The following SLC35F4 variants were observed in gnomAD, a reference collection of about 807,000 sequenced individuals.
SLC35F4 encodes the protein chromosome 14 open reading frame 36.
Under a neutral mutation model 44.2 loss-of-function variants are expected in SLC35F4, and 24 were observed. The ratio of observed to expected loss-of-function variants is 0.54; its 90% CI spans 0.39 to 0.76. The LOEUF is 0.76. Ranked by LOEUF, SLC35F4 falls within the 30% of genes least tolerant of loss-of-function variation. The pLI, the probability that SLC35F4 is intolerant of heterozygous loss-of-function variation, is 0.00. For synonymous variants in SLC35F4, 238 were observed against 223.6 expected (o/e 1.06, Z -0.57); for missense variants, 562 against 586.1 (o/e 0.96, Z 0.42).
At chr14:57,608,801 G>T (rs1376838496) in intron 1 of SLC35F4, among the ~76,000 whole-genome samples, 6 of 83,044 alleles carry the variant, frequency 7.2e-5, no homozygotes, top group African/African-American at 3.1e-4. Flanking sequence ...GGGGGGCGGC[G>T]GGGGGAGAGA....
chr14:57,574,475 T>G (rs756022784), intron 4 of SLC35F4, among the ~76,000 whole-genome samples: 1 of 152,156 alleles, frequency 6.6e-6, no homozygotes, highest in African/African-American at 2.4e-5. Context: ...ATCTGAATAT[T>G]TGAAATGTTA....
At chr14:57,747,029 A>G (rs2076773006) in intron 1 of SLC35F4, among the ~76,000 whole-genome samples, 2 of 152,174 alleles carry the variant, frequency 1.3e-5, no homozygotes, top group Non-Finnish European at 2.9e-5. Flanking sequence ...TTCTACATGA[A>G]CTGAGATTTT....
In SLC35F4 at chr14:57,620,119, CA is replaced by C. The variant is rs1180782341; in HGVS notation, c.104-25996del. ...TGGAACCTAGTTGGAAAACACTCTT[CA>C]GGATATTTTCCAGGAGAACTTCCCC... On this transcript the variant is annotated intron_variant, in intron 1 of 7. Transcript: ENST00000556826. Among the ~76,000 whole-genome samples the C allele has an allele frequency of 5.3e-5, 8 of 152,246 alleles. No individual in the cohort carries two copies. The East Asian group carries it at 9.6e-4, about 18-fold the overall frequency.
chr14:57,936,012 A>G (rs910766170), intron 1 of SLC35F4, among the ~76,000 whole-genome samples: 3 of 152,198 alleles, frequency 2.0e-5, no homozygotes, highest in African/African-American at 7.2e-5. Context: ...ATTAAATTTC[A>G]ATTTTGTTCT....
At chr14:57,751,817 G>C (rs770046143) in intron 1 of SLC35F4, among the ~76,000 whole-genome samples, 3 of 152,226 alleles carry the variant, frequency 2.0e-5, no homozygotes, top group Middle Eastern at 3.4e-3. Flanking sequence ...ACAGTTTTTT[G>C]AGGTATAAAA....
chr14:57,825,719 G>A (rs548102724), intron 1 of SLC35F4, among the ~76,000 whole-genome samples: 11 of 152,044 alleles, frequency 7.2e-5, no homozygotes, highest in Admixed American at 3.3e-4. Context: ...CCTATATACC[G>A]ACAATAGACA....
At chr14:57,678,497 A>G (rs2074776134) in intron 1 of SLC35F4, among the ~76,000 whole-genome samples, 3 of 152,066 alleles carry the variant, frequency 2.0e-5, no homozygotes, top group African/African-American at 4.8e-5. Flanking sequence ...TCATAATGGG[A>G]GGATCAAATT....
chr14:57,702,313 A>T (rs74741995), intron 1 of SLC35F4, among the ~76,000 whole-genome samples: 1,617 of 145,174 alleles, frequency 0.011, 26 homozygotes, highest in East Asian at 0.042. Context: ...ACTATGCCCA[A>T]ATAAATATCA....
chr14:57,774,406 T>C (rs1202999001), intron 1 of SLC35F4, among the ~76,000 whole-genome samples: 1 of 152,142 alleles, frequency 6.6e-6, no homozygotes, highest in Non-Finnish European at 1.5e-5. Context: ...AGAGAAGTGG[T>C]AGGGGCAGAA....
chr14:57,809,902 A>G (rs1595116932), intron 1 of SLC35F4, among the ~76,000 whole-genome samples: 1 of 152,220 alleles, frequency 6.6e-6, no homozygotes, highest in African/African-American at 2.4e-5. Context: ...TAACTGGCAC[A>G]TTGAATAAGC....
rs532111410 is a variant in SLC35F4, at chr14:57,579,995, A to G, written c.807+1219T>C. On this transcript the variant is annotated intron_variant, in intron 4 of 7. Transcript: ENST00000556826. ...TAGACAGCCAGCACCAGTGCCCCAGACATAAATATGTGATGCTGAGCCCTT... is the reference window on the plus strand; with the variant it reads ...TAGACAGCCAGCACCAGTGCCCCAGGCATAAATATGTGATGCTGAGCCCTT... Among the ~76,000 whole-genome samples, 8 of 152,332 alleles carry G rather than the reference A, an allele frequency of 5.3e-5. No homozygotes were observed. In the South Asian group the frequency reaches 1.7e-3, roughly 32 times the overall value.
chr14:57,663,542 G>A (rs2074207113), intron 1 of SLC35F4, among the ~76,000 whole-genome samples: 1 of 152,146 alleles, frequency 6.6e-6, no homozygotes, highest in Admixed American at 6.6e-5. Flanking sequence ...CAAGAGATTT[G>A]TCTTTATAGC....
chr14:57,620,389 T>C (rs954440933), intron 1 of SLC35F4, among the ~76,000 whole-genome samples: 2 of 152,156 alleles, frequency 1.3e-5, no homozygotes, highest in African/African-American at 2.4e-5. Context: ...CAATATTCAA[T>C]ATTCTTAAAG....
At chr14:57,906,397 C>T (rs1889103994) in intron 1 of SLC35F4, among the ~76,000 whole-genome samples, 1 of 152,204 alleles carries the variant, frequency 6.6e-6, no homozygotes, top group South Asian at 2.1e-4. Context: ...TCAGTAACTA[C>T]AGAAATGCCC....
At chr14:57,694,780 A>G (rs1018787458) in intron 1 of SLC35F4, among the ~76,000 whole-genome samples, 1 of 152,040 alleles carries the variant, frequency 6.6e-6, no homozygotes, top group Admixed American at 6.6e-5. Context: ...ATTTATTCTT[A>G]TTTGATTTTT....
intron 1 of SLC35F4, among the ~76,000 whole-genome samples, chr14:57,842,239 T>A (rs372884863): frequency 1.3e-5 from 2 of 152,356 alleles, no homozygotes; most frequent in Non-Finnish European, 2.9e-5. Flanking sequence ...CCATCATATA[T>A]CAGTTCATAG....
chr14:57,564,205 A>C lies in SLC35F4; in HGVS notation c.1388T>G (p.Val463Gly). The C allele has an allele frequency of 6.2e-7, 1 of 1,613,620 alleles. No individual in the cohort carries two copies. The highest frequency in any genetic ancestry group is 8.5e-7 in the Non-Finnish European group (1 of 1,179,818). The change falls in exon 8 of 8, where the codon GTG (valine) becomes GGG (glycine). Residue 463 changes from valine (V) to glycine (G), a missense_variant. Val to Gly is a moderately radical substitution (Grantham distance 109). Coordinates refer to ENST00000556826, the MANE Select transcript of SLC35F4 (RefSeq NM_001306087.2). ...EKKSEEHVDD[V>G]TDPSIHLRGR... ...CCGCAGGTGTATGCTGGGATCAGTCACATCATCCACATGCTCCTCACTCTT... is the reference window on the plus strand; with the variant it reads ...CCGCAGGTGTATGCTGGGATCAGTCCCATCATCCACATGCTCCTCACTCTT...
At chr14:57,627,000 C>G (rs1010489786) in intron 1 of SLC35F4, among the ~76,000 whole-genome samples, 2 of 152,076 alleles carry the variant, frequency 1.3e-5, no homozygotes, top group South Asian at 2.1e-4. Flanking sequence ...CACTGTAGCC[C>G]TCAAATGCTC....
intron 1 of SLC35F4, among the ~76,000 whole-genome samples, chr14:57,637,961 A>G (rs535502552): frequency 6.6e-6 from 1 of 152,120 alleles, no homozygotes; most frequent in Non-Finnish European, 1.5e-5. Flanking sequence ...AATAAAGATC[A>G]TAAGACTGAT....
Sources: allele counts gnomAD v4.1 joint callset (sites outside exome capture counted in the v4.1 genomes callset), GRCh38; gene constraint gnomAD v4.1.1; transcripts MANE v1.5; gene names NCBI Gene and HGNC (gene_info 2026-07-23, HGNC 2026-07-21).